The following LDLRAD4 variants were observed in gnomAD, a reference collection of about 807,000 sequenced individuals.
LDLRAD4 encodes low density lipoprotein receptor class A domain containing 4, also known as low-density lipoprotein receptor class A domain-containing protein 4.
LDLRAD4 carries 5 observed loss-of-function variants against 17.0 expected under a neutral mutation model. The observed-to-expected ratio is 0.29, with a 90% CI of 0.15 to 0.62. The LOEUF (loss-of-function observed/expected upper bound fraction) is 0.62. Ranked by LOEUF, LDLRAD4 falls within the 20% of genes least tolerant of loss-of-function variation. The pLI, the probability that LDLRAD4 is intolerant of heterozygous loss-of-function variation, is 0.84. For synonymous variants in LDLRAD4, 168 were observed against 171.8 expected, an observed-to-expected ratio of 0.98 and a Z score of 0.17; for missense variants, 340 against 424.7, an observed-to-expected ratio of 0.80 and a Z score of 1.75.
chr18:13,351,006 A>G (rs745898081), intron 1 of LDLRAD4, among the ~76,000 whole-genome samples: 4 of 152,202 alleles, frequency 2.6e-5, no homozygotes, highest in Non-Finnish European at 5.9e-5. Context: ...TCTCAGTACC[A>G]GTACCATGCT....
At chr18:13,245,934 C>T (rs563772822) in intron 1 of LDLRAD4, among the ~76,000 whole-genome samples, 4 of 152,296 alleles carry the variant, frequency 2.6e-5, no homozygotes, top group Admixed American at 1.3e-4. Flanking sequence ...GAGCATCACT[C>T]GGGGCTCAGA....
At chr18:13,570,209 C>T (rs934844549) in intron 3 of LDLRAD4, among the ~76,000 whole-genome samples, 2 of 152,226 alleles carry the variant, frequency 1.3e-5, no homozygotes, top group Non-Finnish European at 2.9e-5. Context: ...GAAGGACAGA[C>T]GTGACTCGTC....
At chr18:13,600,932 A>G (rs2095153496) in intron 3 of LDLRAD4, among the ~76,000 whole-genome samples, 1 of 152,196 alleles carries the variant, frequency 6.6e-6, no homozygotes, top group African/African-American at 2.4e-5. Context: ...GGTATTTACT[A>G]TGTTGAGAAT....
intron 3 of LDLRAD4, among the ~76,000 whole-genome samples, chr18:13,454,190 G>T (rs539720875): frequency 6.6e-6 from 1 of 152,356 alleles, no homozygotes; most frequent in African/African-American, 2.4e-5. Flanking sequence ...TGTTCACGTG[G>T]AGGGAATGTT....
chr18:13,248,883 A>T (rs1238698160), intron 1 of LDLRAD4, among the ~76,000 whole-genome samples: 2 of 151,690 alleles, frequency 1.3e-5, no homozygotes, highest in African/African-American at 4.8e-5. Flanking sequence ...TACCTTAACA[A>T]CTCTCTCCCT....
At chr18:13,445,504 G>A (rs2146283784) in intron 3 of LDLRAD4, among the ~76,000 whole-genome samples, 1 of 152,126 alleles carries the variant, frequency 6.6e-6, no homozygotes, top group Non-Finnish European at 1.5e-5. Flanking sequence ...GTGCGTTTGT[G>A]CATGAATGTG....
At chr18:13,272,616 T>C (rs1441578536) in intron 1 of LDLRAD4, among the ~76,000 whole-genome samples, 1 of 152,244 alleles carries the variant, frequency 6.6e-6, no homozygotes, top group African/African-American at 2.4e-5. Flanking sequence ...TCCTCGAATC[T>C]GAAAGGCGCT....
chr18:13,645,067 C>T lies in LDLRAD4; in HGVS notation c.391-60C>T, dbSNP rs1328836215. 5.8e-6 allele frequency: 8 copies of T among 1,375,614 alleles called. No homozygotes were observed. In the African/African-American group the frequency reaches 1.0e-4, roughly 17 times the overall value. 85.2% of individuals were successfully genotyped at this position (1,375,614 alleles called of 1,614,324 possible). A position where few individuals can be genotyped will look rare whatever the true frequency, so the allele number is the denominator to read the frequency against. ...CAAGCGTAACTTTCCTTGATTCTGA[C>T]ACATTTATGGTCATCATTGCGCTCA... On this transcript the variant is annotated intron_variant, in intron 5 of 5. Coordinates refer to ENST00000359446, the Ensembl canonical transcript of LDLRAD4. The surrounding 1 kb of genome is among the most constrained non-coding windows in gnomAD (Gnocchi z 5.7).
chr18:13,603,538 T>G (rs1470234926), intron 3 of LDLRAD4, among the ~76,000 whole-genome samples: 4 of 152,250 alleles, frequency 2.6e-5, no homozygotes, highest in Non-Finnish European at 2.9e-5. Context: ...GCCTCTATTC[T>G]CTCACCTGTG....
intron 1 of LDLRAD4, among the ~76,000 whole-genome samples, chr18:13,368,419 C>G (rs373132106): frequency 7.9e-5 from 12 of 152,286 alleles, no homozygotes; most frequent in African/African-American, 2.9e-4. Flanking sequence ...TCAGGGATGC[C>G]TGCTTTCTGT....
chr18:13,398,201 C>T lies in LDLRAD4; in HGVS notation c.40+10439C>T, dbSNP rs2086859806. ...GAGGCAGGAGGCTGAAGCGCCGAAC[C>T]CAACGCAAATACTAAGCATTTGATG... is the stretch of plus-strand genomic sequence containing the variant. On this transcript the variant is annotated intron_variant, in intron 2 of 5. Transcript: ENST00000359446. The surrounding 1 kb of genome is among the most constrained non-coding windows in gnomAD (Gnocchi z 4.8). 6.6e-6 allele frequency among the ~76,000 whole-genome samples: 1 copy of T among 152,202 alleles called. No individual in the cohort carries two copies. The highest frequency in any genetic ancestry group is 1.5e-5 in the Non-Finnish European group (1 of 68,040).
At chr18:13,385,000 C>T (rs1218685289) in intron 1 of LDLRAD4, among the ~76,000 whole-genome samples, 1 of 152,206 alleles carries the variant, frequency 6.6e-6, no homozygotes, top group Non-Finnish European at 1.5e-5. Flanking sequence ...GATATGTACT[C>T]AGCAGTGGGA....
chr18:13,356,201 C>A (rs1295735989), intron 1 of LDLRAD4, among the ~76,000 whole-genome samples: 2 of 152,208 alleles, frequency 1.3e-5, no homozygotes, highest in East Asian at 3.9e-4. Flanking sequence ...CCTGAGAGTG[C>A]TGGGATCTGG....
intron 3 of LDLRAD4, among the ~76,000 whole-genome samples, chr18:13,577,214 G>C (rs771625522): frequency 2.0e-5 from 3 of 152,188 alleles, no homozygotes; most frequent in Non-Finnish European, 2.9e-5. Context: ...TGGGCATGCT[G>C]TTCCATGCCT....
At chr18:13,505,690 C>CT (rs67339571) in intron 3 of LDLRAD4, among the ~76,000 whole-genome samples, 3 of 151,494 alleles carry the variant, frequency 2.0e-5, no homozygotes, top group African/African-American at 4.9e-5. Flanking sequence ...TGGTGGTGGG[C>CT]ACCTGTAGTC....
At chr18:13,612,018 C>T in intron 3 of LDLRAD4, 1 of 985,482 alleles carries the variant, frequency 1.0e-6, no homozygotes, top group Non-Finnish European at 1.2e-6. Context: ...AGGGGAGAAG[C>T]ACGCGAGCCT....
At chr18:13,539,069 G>GA (rs1436887087) in intron 3 of LDLRAD4, among the ~76,000 whole-genome samples, 1 of 152,114 alleles carries the variant, frequency 6.6e-6, no homozygotes, top group Non-Finnish European at 1.5e-5. Context: ...TCGTTACAAA[G>GA]AAAAAACAGA....
At chr18:13,637,102 G>GT (rs894159877) in intron 4 of LDLRAD4, among the ~76,000 whole-genome samples, 1 of 151,824 alleles carries the variant, frequency 6.6e-6, no homozygotes, top group East Asian at 1.9e-4. Context: ...CTGGCCTAAA[G>GT]TTTTTTTTGT....
chr18:13,299,125 C>T (rs190673914), intron 1 of LDLRAD4, among the ~76,000 whole-genome samples: 5 of 152,308 alleles, frequency 3.3e-5, no homozygotes, highest in East Asian at 1.9e-4. Flanking sequence ...AGTGTGAGAT[C>T]GGAGCACCCT....
Sources: gnomAD v4.1 joint callset for allele counts (sites outside exome capture counted in the v4.1 genomes callset) on GRCh38, gnomAD v4.1.1 for gene constraint, Gnocchi (gnomAD v3.1) non-coding constraint, MANE v1.5 for transcripts, NCBI Gene and HGNC (gene_info 2026-07-23, HGNC 2026-07-21) for gene names.